CSMD1: variants seen among roughly 807,000 people sequenced by gnomAD.
CSMD1 encodes the protein CUB and sushi domain-containing protein 1.
In CSMD1, 213 loss-of-function variants were observed where a neutral mutation model predicts 417.5. The ratio of observed to expected loss-of-function variants is 0.51; its 90% CI spans 0.46 to 0.57. The LOEUF is 0.57. Ranked by LOEUF, CSMD1 falls within the 20% of genes least tolerant of loss-of-function variation. CSMD1 has a pLI of 0.00. For synonymous variants in CSMD1, 2,862 were observed against 1,736.8 expected, an observed-to-expected ratio of 1.65 and a Z score of -16.11; for missense variants, 6,923 against 4,529.7, an observed-to-expected ratio of 1.53 and a Z score of -15.17.
chr8:4,035,355 T>A (rs912723212), intron 3 of CSMD1, among the ~76,000 whole-genome samples: 1 of 152,226 alleles, frequency 6.6e-6, no homozygotes, highest in African/African-American at 2.4e-5. Context: ...TACTATACTA[T>A]ACTTTTTATC....
At chr8:3,314,078 C>G (rs958150362) in intron 23 of CSMD1, among the ~76,000 whole-genome samples, 12 of 150,726 alleles carry the variant, frequency 8.0e-5, no homozygotes, top group Non-Finnish European at 5.9e-5. Context: ...AATGAGAACA[C>G]ATGGACACAG....
intron 3 of CSMD1, among the ~76,000 whole-genome samples, chr8:4,290,566 G>C (rs1013091140): frequency 6.6e-6 from 1 of 152,170 alleles, no homozygotes; most frequent in Non-Finnish European, 1.5e-5. Context: ...GCCATTCATA[G>C]CTTTTCTGTC....
At chr8:3,252,728 C>T (rs968394844) in intron 26 of CSMD1, among the ~76,000 whole-genome samples, 78 of 152,152 alleles carry the variant, frequency 5.1e-4, no homozygotes, top group Non-Finnish European at 8.8e-5. Context: ...TAATTATTGC[C>T]TCAATTTCAG....
At chr8:4,096,564 A>C (rs1344044936) in intron 3 of CSMD1, among the ~76,000 whole-genome samples, 5 of 141,656 alleles carry the variant, frequency 3.5e-5, no homozygotes, top group Non-Finnish European at 7.6e-5. Flanking sequence ...TTGATAATGC[A>C]CGCCACTAAG....
In CSMD1 at chr8:3,393,872, G is replaced by A. The variant is rs368620431; in HGVS notation, c.2593+2322C>T. ...GGGGAGGGGGCAGGGATAGCATTAG[G>A]AGATATACCTAATGTAAATGACGAG... On this transcript the variant is annotated intron_variant, in intron 17 of 69. Coordinates refer to ENST00000635120, the MANE Select transcript of CSMD1 (RefSeq NM_033225.6). 2.0e-5 allele frequency among the ~76,000 whole-genome samples: 3 copies of A among 151,052 alleles called. No homozygotes were observed. In the South Asian group the frequency reaches 6.3e-4, roughly 32 times the overall value.
intron 1 of CSMD1, among the ~76,000 whole-genome samples, chr8:4,965,557 G>A (rs1809805288): frequency 6.6e-6 from 1 of 152,186 alleles, no homozygotes; most frequent in African/African-American, 2.4e-5. Flanking sequence ...ACATCTTTCA[G>A]AACCAGTTTT....
chr8:4,309,757 A>T (rs1798454222), intron 3 of CSMD1, among the ~76,000 whole-genome samples: 1 of 152,120 alleles, frequency 6.6e-6, no homozygotes, highest in Non-Finnish European at 1.5e-5. Context: ...TATTGATATT[A>T]ACGTTTTACT....
intron 49 of CSMD1, among the ~76,000 whole-genome samples, chr8:3,056,947 G>A (rs1024107165): frequency 6.6e-6 from 1 of 151,926 alleles, no homozygotes; most frequent in Non-Finnish European, 1.5e-5. Context: ...CAATATTAGT[G>A]CCTGCCATTT....
At chr8:4,667,516 T>C (rs937020683) in intron 1 of CSMD1, among the ~76,000 whole-genome samples, 1 of 152,286 alleles carries the variant, frequency 6.6e-6, no homozygotes, top group African/African-American at 2.4e-5. Context: ...TCCTTTTATG[T>C]AGGTCTTTTT....
At chr8:2,943,472 C>T (rs909299659) in intron 68 of CSMD1, among the ~76,000 whole-genome samples, 1 of 152,156 alleles carries the variant, frequency 6.6e-6, no homozygotes, top group Non-Finnish European at 1.5e-5. Context: ...AAATGATCCA[C>T]CTGCCTCGGC....
In CSMD1 at chr8:4,898,954, T is replaced by C. The variant is rs117802914; in HGVS notation, c.85+95378A>G. On this transcript the variant is annotated intron_variant, in intron 1 of 69. Transcript: ENST00000635120. ...GAATTTTATTCTGAGATTACAGTTATAAAATTATTTTTAATATTACGGTAA... is the reference window on the plus strand; with the variant it reads ...GAATTTTATTCTGAGATTACAGTTACAAAATTATTTTTAATATTACGGTAA... 3.3e-3 allele frequency among the ~76,000 whole-genome samples: 508 copies of C among 152,296 alleles called. 19 individuals are homozygous for C. In the South Asian group the frequency reaches 0.067, roughly 20 times the overall value.
intron 5 of CSMD1, among the ~76,000 whole-genome samples, chr8:3,843,101 T>A (rs948642605): frequency 6.6e-6 from 1 of 152,198 alleles, no homozygotes; most frequent in African/African-American, 2.4e-5. Context: ...TTTTTATTTA[T>A]TCTTTAGAGA....
At chr8:3,551,887 C>T (rs975323196) in intron 10 of CSMD1, among the ~76,000 whole-genome samples, 3 of 152,028 alleles carry the variant, frequency 2.0e-5, no homozygotes, top group Admixed American at 2.0e-4. Context: ...TGTGATCATG[C>T]TGAGTGTGGC....
At chr8:4,004,991 G>C (rs951211672) in intron 4 of CSMD1, among the ~76,000 whole-genome samples, 1 of 152,132 alleles carries the variant, frequency 6.6e-6, no homozygotes, top group Non-Finnish European at 1.5e-5. Context: ...TGATCTGCCA[G>C]CCTCAGCCTC....
At chr8:4,597,006 G>T (rs575315479) in intron 2 of CSMD1, among the ~76,000 whole-genome samples, 18 of 152,228 alleles carry the variant, frequency 1.2e-4, no homozygotes, top group South Asian at 2.1e-4. Flanking sequence ...TGATTCTGAG[G>T]CCTCCCAGCC....
At chr8:4,319,502 C>T (rs1179023842) in intron 3 of CSMD1, among the ~76,000 whole-genome samples, 3 of 152,058 alleles carry the variant, frequency 2.0e-5, no homozygotes, top group African/African-American at 2.4e-5. Context: ...ACCAGATTTA[C>T]TCTCAGAGCA....
At chr8:4,043,667 A>T (rs549790132) in intron 3 of CSMD1, among the ~76,000 whole-genome samples, 7 of 152,202 alleles carry the variant, frequency 4.6e-5, no homozygotes, top group Non-Finnish European at 8.8e-5. Context: ...TTCCTGGGTG[A>T]AACCATACAT....
chr8:4,796,775 C>T (rs922893238), intron 1 of CSMD1, among the ~76,000 whole-genome samples: 2 of 152,192 alleles, frequency 1.3e-5, no homozygotes, highest in African/African-American at 4.8e-5. Flanking sequence ...TCCCCTTCCC[C>T]TTTTGCAATC....
rs1018731721 is a variant in CSMD1 at position 4,143,310 on chromosome 8, T to C, written c.416-111211A>G. ...CAGGCCACAGCTTTGTAGTATTGCTTTTTATTTCCAGTTCTTCAAATCTGA... is the reference window on the plus strand; with the variant it reads ...CAGGCCACAGCTTTGTAGTATTGCTCTTTATTTCCAGTTCTTCAAATCTGA... On this transcript the variant is annotated intron_variant, in intron 3 of 69. Transcript: ENST00000635120. Among the ~76,000 whole-genome samples the C allele has an allele frequency of 6.0e-5, 9 of 150,886 alleles. 1 individual carries two copies. The highest frequency in any genetic ancestry group is 2.6e-4 in the Admixed American group (4 of 15,222).
Sources: gnomAD v4.1 joint callset for allele counts (sites outside exome capture counted in the v4.1 genomes callset) on GRCh38, gnomAD v4.1.1 for gene constraint, MANE v1.5 for transcripts, NCBI Gene and HGNC (gene_info 2026-07-23, HGNC 2026-07-21) for gene names.